SERPINB7: variants seen among roughly 807,000 people sequenced by gnomAD.
SERPINB7 encodes the protein serpin B7.
SERPINB7 carries 31 observed loss-of-function variants against 37.4 expected under a neutral mutation model. The ratio of observed to expected loss-of-function variants is 0.83; its 90% CI spans 0.62 to 1.12. SERPINB7 has a LOEUF of 1.12. Among genes scored for constraint, SERPINB7 ranks in the 50% most tolerant of loss-of-function variants. The pLI, the probability that SERPINB7 is intolerant of heterozygous loss-of-function variation, is 0.00. For missense variants in SERPINB7, 521 were observed against 455.3 expected (o/e 1.14, Z -1.31); for synonymous variants, 163 against 166.1 (o/e 0.98, Z 0.14).
chr18:63,778,055 G>A (rs1426628602), intron 1 of SERPINB7: 2 of 152,074 alleles, frequency 1.3e-5, no homozygotes, highest in Non-Finnish European at 2.9e-5. Flanking sequence ...GTCTATGACT[G>A]ATTTAAGTGG....
intron 5 of SERPINB7, 99 bp from the exon 6 acceptor site, chr18:63,798,505 G>T: frequency 1.2e-6 from 1 of 846,530 alleles, no homozygotes; most frequent in East Asian, 2.7e-5. Context: ...GTGTTATTAT[G>T]TGTTAAGAAA....
chr18:63,792,517 C>T, intron 3 of SERPINB7, 74 bp downstream of exon 3: 1 of 989,064 alleles, frequency 1.0e-6, no homozygotes, highest in East Asian at 2.4e-5. Context: ...AATACCAGAA[C>T]TTTGGAAGGC....
At chr18:63,792,290 G>C (rs2049437126) in intron 2 of SERPINB7, 103 bp from the exon 3 acceptor site, 2 of 808,146 alleles carry the variant, frequency 2.5e-6, no homozygotes, top group Non-Finnish European at 2.0e-6. Flanking sequence ...ATGGCAATTA[G>C]ACACATTTAT....
At position 63,798,750 on chromosome 18, in the gene SERPINB7, T is replaced by A; in HGVS notation, c.597+4T>A. On this transcript the variant is annotated splice_donor_region_variant and intron_variant, in intron 6 of 7. Transcript: ENST00000398019. Reference sequence around the variant, plus strand: ...TTGCCATTTCAAATCTCCCAAGGTATGTCGTCAATCTCCTATTTAATTTAG... The same window carrying A: ...TTGCCATTTCAAATCTCCCAAGGTAAGTCGTCAATCTCCTATTTAATTTAG... The A allele has an allele frequency of 6.2e-7, 1 of 1,612,192 alleles. No homozygotes were observed. The highest frequency in any genetic ancestry group is 8.5e-7 in the Non-Finnish European group (1 of 1,179,358).
upstream of SERPINB7, among the ~76,000 whole-genome samples, chr18:63,770,873 G>GCACACACACACACACACACA (rs10634962): frequency 6.7e-6 from 1 of 148,834 alleles, no homozygotes; most frequent in South Asian, 2.1e-4. Context: ...GTCTGCACAT[G>GCACACACACACACACACACA]CACACACACA....
intron 2 of SERPINB7, among the ~76,000 whole-genome samples, chr18:63,789,282 A>G (rs1261077509): frequency 2.0e-5 from 3 of 152,136 alleles, no homozygotes; most frequent in Non-Finnish European, 4.4e-5. Context: ...GCCACTGCTC[A>G]TCTCTCTCTC....
At chr18:63,776,934 G>A (rs961461939) in intron 1 of SERPINB7, among the ~76,000 whole-genome samples, 1 of 151,708 alleles carries the variant, frequency 6.6e-6, no homozygotes, top group Non-Finnish European at 1.5e-5. Context: ...ATATTCTAAC[G>A]CATCTCTCTC....
In SERPINB7 at chr18:63,801,335, G is replaced by A. The variant is rs2049546943; in HGVS notation, c.744+323G>A. Among the ~76,000 whole-genome samples the A allele has an allele frequency of 2.0e-5, 3 of 152,266 alleles. No individual in the cohort carries two copies. In the South Asian group the frequency reaches 6.2e-4, roughly 32 times the overall value. ...TGGCCATGAATACAGTCTTCTACGTGTCATTGAAATTTTGCTAGACTGAGC... is the reference window on the plus strand; with the variant it reads ...TGGCCATGAATACAGTCTTCTACGTATCATTGAAATTTTGCTAGACTGAGC... On this transcript the variant is annotated intron_variant, in intron 7 of 7. Coordinates refer to ENST00000398019, the MANE Select transcript of SERPINB7 (RefSeq NM_003784.4).
upstream of SERPINB7, among the ~76,000 whole-genome samples, chr18:63,770,872 T>TGC (rs2049206270): frequency 7.4e-5 from 2 of 27,120 alleles, no homozygotes; most frequent in South Asian, 2.2e-3. Flanking sequence ...AGTCTGCACA[T>TGC]GCACACACAC....
intron 4 of SERPINB7, among the ~76,000 whole-genome samples, chr18:63,794,585 G>A (rs1442947128): frequency 2.6e-5 from 4 of 152,178 alleles, no homozygotes; most frequent in Non-Finnish European, 1.5e-5. Flanking sequence ...AGCTACTCGG[G>A]AGGCTGAGGC....
At chr18:63,753,401 G>A (rs543981762) in intron 1 of SERPINB7, among the ~76,000 whole-genome samples, 23 of 152,124 alleles carry the variant, frequency 1.5e-4, no homozygotes, top group African/African-American at 5.5e-4. Context: ...ATATTTAATA[G>A]AGAAAATTCA....
chr18:63,784,766 C>T (rs1411616692), intron 2 of SERPINB7, among the ~76,000 whole-genome samples: 1 of 152,216 alleles, frequency 6.6e-6, no homozygotes, highest in Non-Finnish European at 1.5e-5. Context: ...AAAAACCTTA[C>T]AGTTGTCACT....
At chr18:63,766,734 G>T (rs1296308697) in intron 1 of SERPINB7, among the ~76,000 whole-genome samples, 1 of 151,988 alleles carries the variant, frequency 6.6e-6, no homozygotes, top group Non-Finnish European at 1.5e-5. Context: ...TATGCTGATT[G>T]CTACCTTCCC....
intron 7 of SERPINB7, among the ~76,000 whole-genome samples, chr18:63,801,524 G>A (rs942994949): frequency 6.6e-6 from 1 of 152,178 alleles, no homozygotes; most frequent in African/African-American, 2.4e-5. Flanking sequence ...ATGCAAGGCC[G>A]ACCATGCCAC....
intron 7 of SERPINB7, among the ~76,000 whole-genome samples, chr18:63,804,030 A>T (rs2049577892): frequency 6.6e-6 from 1 of 152,282 alleles, no homozygotes; most frequent in East Asian, 1.9e-4. Context: ...CTCATAGTAG[A>T]GCAAATTAAA....
intron 1 of SERPINB7, among the ~76,000 whole-genome samples, chr18:63,780,766 A>G (rs1431827104): frequency 6.6e-6 from 1 of 152,202 alleles, no homozygotes; most frequent in African/African-American, 2.4e-5. Flanking sequence ...AACGAATTCT[A>G]TATAGCTGAA....
At chr18:63,793,339 G>T in intron 4 of SERPINB7, 62 bp downstream of exon 4, 1 of 858,186 alleles carries the variant, frequency 1.2e-6, no homozygotes, top group Non-Finnish European at 1.9e-6. Context: ...TCTGAACAAA[G>T]GCTTGTGTCT....
chr18:63,771,960 CT>C (rs796790849), upstream of SERPINB7, among the ~76,000 whole-genome samples: 139 of 144,956 alleles, frequency 9.6e-4, no homozygotes, highest in South Asian at 1.7e-3. Context: ...TCAGCTGCTT[CT>C]TTTTTTTTTT....
At position 63,804,298 on chromosome 18, in the gene SERPINB7, C is replaced by T. The variant is rs1382040345; in HGVS notation, c.806C>T (p.Ser269Phe). 1 of 1,610,810 alleles carries T rather than the reference C, an allele frequency of 6.2e-7. No individual in the cohort carries two copies. Residue 269 changes from serine (S) to phenylalanine (F), a missense_variant, in exon 8 of 8, where the codon TCT becomes TTT. Ser to Phe is a radical substitution (Grantham distance 155). Coordinates refer to ENST00000398019, the MANE Select transcript of SERPINB7 (RefSeq NM_003784.4). The stretch of plus-strand genomic sequence containing the variant: ...TGGACCAATCCAAGGCGAATGACCT[C>T]TAAGTATGTTGAGGTATTTTTTCCT... Reference protein sequence around the residue: ...MEWTNPRRMTSKYVEVFFPQF... With the variant: ...MEWTNPRRMTFKYVEVFFPQF...
Sources: gnomAD v4.1 joint callset for allele counts (sites outside exome capture counted in the v4.1 genomes callset) on GRCh38, gnomAD v4.1.1 for gene constraint, MANE v1.5 for transcripts, NCBI Gene and HGNC (gene_info 2026-07-23, HGNC 2026-07-21) for gene names.